CD163: variants seen among roughly 807,000 people sequenced by gnomAD.
The protein encoded by CD163 is CD163 molecule, also known as scavenger receptor cysteine-rich type 1 protein M130.
In CD163, 64 loss-of-function variants were observed where a neutral mutation model predicts 129.2. The ratio of observed to expected loss-of-function variants is 0.50; its 90% CI spans 0.41 to 0.61. The LOEUF (loss-of-function observed/expected upper bound fraction) is 0.61, where lower values mean the gene tolerates loss of function less well. CD163 is among the 20% of genes least tolerant of loss of function. The pLI is 0.00. For missense variants in CD163, 1,061 were observed against 1,377.9 expected, an observed-to-expected ratio of 0.77 and a Z score of 3.64; for synonymous variants, 446 against 478.5, an observed-to-expected ratio of 0.93 and a Z score of 0.89.
In CD163 at chr12:7,487,536, T is replaced by G; in HGVS notation, c.1873A>C (p.Lys625Gln). The change falls in exon 8 of 17, where the codon AAA becomes CAA. Residue 625 changes from lysine (K) to glutamine (Q), a missense_variant. Physicochemically the swap from Lys to Gln is moderately conservative, Grantham distance 53. Coordinates refer to ENST00000432237, the MANE Select transcript of CD163 (RefSeq NM_203416.4). The surrounding 1 kb of genome is among the most constrained non-coding windows in gnomAD (Gnocchi z 5.1). Reference protein sequence around the residue: ...EDAHVLCQQLKCGVALSTPGG... With the variant: ...EDAHVLCQQLQCGVALSTPGG... Reference sequence around the variant, plus strand: ...GGGGTAGAAAGGGCAACTCCACATTTAAGCTGCTGGCAAAGAACATGGGCA... The same window carrying G: ...GGGGTAGAAAGGGCAACTCCACATTGAAGCTGCTGGCAAAGAACATGGGCA... 1.2e-6 allele frequency: 2 copies of G among 1,614,104 alleles called. No homozygotes were observed. Among genetic ancestry groups the G allele is most frequent in the Non-Finnish European group, 1.7e-6 (2 of 1,180,012 alleles).
rs779717186 is a variant in CD163 at position 7,487,555 on chromosome 12, A to T, written c.1854T>A (p.His618Gln). ...CACATTTAAGCTGCTGGCAAAGAAC[A>T]TGGGCATCTTCTATGTCCCAGTGAG... ...CNSHWDIEDA[H>Q]VLCQQLKCGV... The change falls in exon 8 of 17, where the codon CAT becomes CAA. Residue 618 changes from histidine to glutamine, a missense_variant. Transcript: ENST00000432237. The surrounding 1 kb of genome is among the most constrained non-coding windows in gnomAD (Gnocchi z 5.1). 2 of 1,614,112 alleles carry T rather than the reference A, an allele frequency of 1.2e-6. No individual in the cohort carries two copies. Among genetic ancestry groups the T allele is most frequent in the South Asian group, 2.2e-5 (2 of 91,082 alleles).
rs1949406123 is a variant in CD163 at position 7,496,692 on chromosome 12, G to A, written c.1099+121C>T. The stretch of plus-strand genomic sequence containing the variant: ...ACAGGTATAAAGGAATTCCCAGCAA[G>A]GAATTTACTAGGCATTTCTACTTCT... On this transcript the variant is annotated intron_variant, in intron 5 of 16. Transcript: ENST00000432237. This position sits in a 1 kb window ranked among gnomAD's most constrained non-coding sequence, Gnocchi z 4.8. The A allele has an allele frequency of 2.6e-6, 2 of 772,238 alleles. No individual in the cohort carries two copies. The highest frequency in any genetic ancestry group is 1.6e-5 in the South Asian group (1 of 63,302). The allele number at this position is 772,238 out of a possible 1,614,324, so 47.8% of individuals were successfully genotyped here. A position where few individuals can be genotyped will look rare whatever the true frequency, so the allele number is the denominator to read the frequency against.
chr12:7,487,362 A>C lies in CD163; in HGVS notation c.2047T>G (p.Ser683Ala). The C allele has an allele frequency of 6.3e-7, 1 of 1,578,790 alleles. No homozygotes were observed. The highest frequency in any genetic ancestry group is 8.6e-7 in the Non-Finnish European group (1 of 1,163,182). Residue 683 changes from serine (S) to alanine (A), a missense_variant, in exon 8 of 17, where the codon TCA becomes GCA. Transcript: ENST00000432237. The surrounding 1 kb of genome is among the most constrained non-coding windows in gnomAD (Gnocchi z 5.1). Reference sequence around the variant, plus strand: ...TGGCTGCCCGTCATCCTCTTACCTGAGCAGATTACAGAGGCCACTTGCTCT... The same window carrying C: ...TGGCTGCCCGTCATCCTCTTACCTGCGCAGATTACAGAGGCCACTTGCTCT... ...PSEQVASVIC[S>A]GNQSQTLSSC...
rs372771380 is a variant in CD163, at chr12:7,497,162, G to A, written c.779-29C>T. On this transcript the variant is annotated intron_variant, in intron 4 of 16. Transcript: ENST00000432237. ...TAACAGAGACACACAACAGGTCTGC[G>A]ATAAGGAAGCAAGAACATGAGACTA... The A allele has an allele frequency of 1.1e-4, 177 of 1,571,526 alleles. 1 individual carries two copies. In the African/African-American group the frequency reaches 2.1e-3, roughly 19 times the overall value.
Position 7,498,986 on chromosome 12 carries a change from T to G in CD163, c.660A>C (p.Pro220=). The G allele has an allele frequency of 6.2e-7, 1 of 1,614,146 alleles. No homozygotes were observed. The highest frequency in any genetic ancestry group is 8.5e-7 in the Non-Finnish European group (1 of 1,180,016). The change falls in exon 4 of 17, where the codon CCA becomes CCC. Residue 220 remains proline, a synonymous_variant. Transcript: ENST00000432237. ...GSSNFGEGSG[P]IWFDDLICNG... is the part of the protein sequence containing the mutation. ...TGCATATAAGATCATCAAACCAGAT[T>G]GGTCCAGAGCCTTCTCCAAAATTAG...
At chr12:7,478,600 ACT>A (rs1460221345) in intron 16 of CD163, among the ~76,000 whole-genome samples, 2 of 151,904 alleles carry the variant, frequency 1.3e-5, no homozygotes, top group East Asian at 1.9e-4. Context: ...GTTTCTAAGA[ACT>A]CTATGTATCT....
At position 7,501,416 on chromosome 12, in the gene CD163, A is replaced by G. The variant is rs142968981; in HGVS notation, c.180T>C (p.Cys60=). 45 of 1,613,732 alleles carry G rather than the reference A, an allele frequency of 2.8e-5. No homozygotes were observed. Among genetic ancestry groups the G allele is most frequent in the Non-Finnish European group, 3.6e-5 (43 of 1,179,974 alleles). The stretch of plus-strand genomic sequence containing the variant: ...GGACTTTCACTTCCACTCTCCCGCT[A>G]CACTTGTTTTCACCATCCACTAGCC... ...ELRLVDGENK[C]SGRVEVKVQE... Residue 60 remains cysteine, a synonymous_variant, in exon 3 of 17, where the codon TGT becomes TGC. Transcript: ENST00000432237.
chr12:7,493,844 TA>T (rs770239298), intron 6 of CD163, among the ~76,000 whole-genome samples: 107 of 151,840 alleles, frequency 7.0e-4, no homozygotes, highest in African/African-American at 2.2e-3. Context: ...AATGGTTTTT[TA>T]AAAAAAAATT....
chr12:7,488,384 T>A (rs1949285998), intron 6 of CD163, among the ~76,000 whole-genome samples: 1 of 152,212 alleles, frequency 6.6e-6, no homozygotes, highest in Non-Finnish European at 1.5e-5. Context: ...TTATTCATAA[T>A]AACATTAGAG....
At chr12:7,493,291 C>T (rs778860252) in intron 6 of CD163, among the ~76,000 whole-genome samples, 1 of 152,302 alleles carries the variant, frequency 6.6e-6, no homozygotes, top group African/African-American at 2.4e-5. Context: ...GAGAGCAACA[C>T]TGGGGCCCAT....
intron 14 of CD163, 58 bp from the exon 15 acceptor site, chr12:7,481,314 G>A (rs1565398836): frequency 7.3e-7 from 1 of 1,363,852 alleles, no homozygotes. Flanking sequence ...TTCCCTTGCT[G>A]TAAGTGTGTT....
chr12:7,488,112 G>C (rs746255753), intron 6 of CD163, 25 bp from the exon 7 acceptor site: 10 of 1,558,888 alleles, frequency 6.4e-6, no homozygotes, highest in Non-Finnish European at 7.8e-6. Flanking sequence ...TTATTTCAGT[G>C]AGAGGTAATA....
At position 7,499,095 on chromosome 12, in the gene CD163, C is replaced by T; in HGVS notation, c.551G>A (p.Cys184Tyr). Reference protein sequence around the residue: ...IKFQGRWGTVCDDNFNIDHAS... With the variant: ...IKFQGRWGTVYDDNFNIDHAS... ...ATGATCTATGTTGAAGTTATCATCA[C>T]ACACTGTTCCCCACCGTCCTTGGAA... is the stretch of plus-strand genomic sequence containing the variant. The change falls in exon 4 of 17, where the codon TGT (cysteine) becomes TAT (tyrosine). Residue 184 changes from cysteine to tyrosine, a missense_variant. By Grantham distance (194) the Cys-to-Tyr change is radical. Coordinates refer to ENST00000432237, the MANE Select transcript of CD163 (RefSeq NM_203416.4). The T allele has an allele frequency of 6.2e-7, 1 of 1,614,130 alleles. No homozygotes were observed. The highest frequency in any genetic ancestry group is 8.5e-7 in the Non-Finnish European group (1 of 1,179,988).
intron 3 of CD163, among the ~76,000 whole-genome samples, chr12:7,500,218 C>T (rs1433832809): frequency 6.6e-6 from 1 of 151,512 alleles, no homozygotes; most frequent in African/African-American, 2.4e-5. Context: ...CTCAGGAGTT[C>T]GAGACCAGCC....
intron 16 of CD163, among the ~76,000 whole-genome samples, chr12:7,474,147 C>T (rs1591989587): frequency 1.3e-5 from 2 of 152,184 alleles, no homozygotes; most frequent in African/African-American, 2.4e-5. Flanking sequence ...TTTAAAACCC[C>T]ATTGTCAATA....
chr12:7,494,960 G>A lies in CD163; in HGVS notation c.1420+121C>T, dbSNP rs1356541684. On this transcript the variant is annotated intron_variant, in intron 6 of 16. Transcript: ENST00000432237. ...ATCTGACTCTCCCAGTGGAATTTGT[G>A]TAGATATTTCCTGGTTTCTTGAGAG... The A allele has an allele frequency of 4.0e-6, 3 of 746,550 alleles. No individual in the cohort carries two copies. The East Asian group carries it at 7.5e-5, about 19-fold the overall frequency. The allele number at this position is 746,550 out of a possible 1,614,324, so 46.2% of individuals were successfully genotyped here. A position where few individuals can be genotyped will look rare whatever the true frequency, so the allele number is the denominator to read the frequency against.
At chr12:7,490,739 C>G (rs1202559164) in intron 6 of CD163, among the ~76,000 whole-genome samples, 2 of 151,970 alleles carry the variant, frequency 1.3e-5, no homozygotes, top group Admixed American at 6.6e-5. Flanking sequence ...ATGTTCTGTA[C>G]TACAGCAATA....
rs969873453 is a variant in CD163 at position 7,501,186 on chromosome 12, T to C, written c.410A>G (p.Lys137Arg). The C allele has an allele frequency of 2.0e-5, 32 of 1,614,090 alleles. No individual in the cohort carries two copies. The highest frequency in any genetic ancestry group is 2.6e-5 in the Non-Finnish European group (31 of 1,180,036). The stretch of plus-strand genomic sequence containing the variant: ...TTGTTGGTGAGTACAGTTACTATGC[T>C]TTCCCCATCCATCATGTTTGCAATC... The part of the protein sequence containing the change: ...LWDCKHDGWG[K>R]HSNCTHQQDA... Residue 137 changes from lysine to arginine, a missense_variant, in exon 3 of 17, where the codon AAG (lysine) becomes AGG (arginine). Transcript: ENST00000432237.
intron 6 of CD163, among the ~76,000 whole-genome samples, chr12:7,489,601 G>A (rs755315810): frequency 1.4e-4 from 22 of 151,934 alleles, no homozygotes; most frequent in Admixed American, 3.9e-4. Flanking sequence ...TAAAAAGGCC[G>A]CCACAGAATT....
Sources: allele counts gnomAD v4.1 joint callset (sites outside exome capture counted in the v4.1 genomes callset), GRCh38; gene constraint gnomAD v4.1.1; non-coding constraint Gnocchi (gnomAD v3.1); transcripts MANE v1.5; gene names NCBI Gene and HGNC (gene_info 2026-07-23, HGNC 2026-07-21).